Variants in PDE1C observed in about 807,000 individuals in gnomAD.
PDE1C encodes phosphodiesterase 1C, also known as dual specificity calcium/calmodulin-dependent 3',5'-cyclic nucleotide phosphodiesterase 1C.
In PDE1C, 62 loss-of-function variants were observed where a neutral mutation model predicts 93.1. The ratio of observed to expected loss-of-function variants is 0.67; its 90% CI spans 0.54 to 0.82. The LOEUF is 0.82. Ranked by LOEUF, PDE1C falls within the 40% of genes least tolerant of loss-of-function variation. The pLI, the probability that PDE1C is intolerant of heterozygous loss-of-function variation, is 0.00. For synonymous variants in PDE1C, 325 were observed against 310.1 expected, an observed-to-expected ratio of 1.05 and a Z score of -0.50; for missense variants, 742 against 884.6, an observed-to-expected ratio of 0.84 and a Z score of 2.04.
intron 2 of PDE1C, among the ~76,000 whole-genome samples, chr7:31,910,479 C>T (rs887064679): frequency 1.3e-5 from 2 of 152,198 alleles, no homozygotes; most frequent in African/African-American, 2.4e-5. Flanking sequence ...GGGTGACAGG[C>T]ACTATCTACT....
the PDE1C span, among the ~76,000 whole-genome samples, chr7:31,628,646 CAG>C: frequency 6.6e-6 from 1 of 152,038 alleles, no homozygotes; most frequent in East Asian, 1.9e-4. Context: ...TTAGTAGAGA[CAG>C]GGTTTCACCG....
chr7:31,789,532 T>C (rs1397660761), intron 16 of PDE1C: 1 of 499,154 alleles, frequency 2.0e-6, no homozygotes, highest in Non-Finnish European at 2.6e-6. Context: ...AGTCACCAGC[T>C]GAACATTCAG....
In PDE1C at chr7:31,813,754, T is replaced by C. The variant is rs956861445; in HGVS notation, c.1813+2170A>G. ...GATTTGTGAGATTTTGGTATAGCCATCACCTGAGCGGTATACGCTGAACCC... is the reference window on the plus strand; with the variant it reads ...GATTTGTGAGATTTTGGTATAGCCACCACCTGAGCGGTATACGCTGAACCC... On this transcript the variant is annotated intron_variant, in intron 15 of 17. Coordinates refer to ENST00000396191, the MANE Select transcript of PDE1C (RefSeq NM_001191057.4). 2.0e-5 allele frequency among the ~76,000 whole-genome samples: 3 copies of C among 152,114 alleles called. No homozygotes were observed. The South Asian group carries it at 6.2e-4, about 31-fold the overall frequency.
intron 9 of PDE1C, among the ~76,000 whole-genome samples, chr7:31,844,399 A>C (rs1178220732): frequency 6.6e-6 from 1 of 151,588 alleles, no homozygotes; most frequent in Non-Finnish European, 1.5e-5. Flanking sequence ...TTTCATCTTC[A>C]TTCTTGAAGT....
At chr7:31,757,529 C>A (rs1412329039) in intron 17 of PDE1C, among the ~76,000 whole-genome samples, 1 of 152,192 alleles carries the variant, frequency 6.6e-6, no homozygotes, top group African/African-American at 2.4e-5. Context: ...GCTGAGTACA[C>A]TTTTCACAGC....
chr7:32,223,893 G>A (rs948285194), intron 1 of PDE1C, among the ~76,000 whole-genome samples: 2 of 152,134 alleles, frequency 1.3e-5, no homozygotes, highest in Non-Finnish European at 2.9e-5. Flanking sequence ...GTCCACGCCC[G>A]GATGACAAAA....
the PDE1C span, among the ~76,000 whole-genome samples, chr7:31,620,238 C>G: frequency 6.6e-6 from 1 of 152,118 alleles, no homozygotes; most frequent in Non-Finnish European, 1.5e-5. Context: ...CCCTGTCTGA[C>G]AGCTTTGAAG....
At chr7:31,891,687 A>G (rs964011816) in intron 2 of PDE1C, among the ~76,000 whole-genome samples, 2 of 152,038 alleles carry the variant, frequency 1.3e-5, no homozygotes, top group Non-Finnish European at 2.9e-5. Flanking sequence ...GAAGAGGGAG[A>G]CACGTGTAAG....
chr7:32,049,432 C>A (rs767743271), intron 2 of PDE1C, among the ~76,000 whole-genome samples: 15 of 152,018 alleles, frequency 9.9e-5, no homozygotes, highest in African/African-American at 1.5e-4. Context: ...AGGCTTTTAG[C>A]AGCCTGAAGC....
Position 31,843,425 on chromosome 7 carries a change from C to A in PDE1C, c.980+4543G>T, listed in dbSNP as rs1792164002. Among the ~76,000 whole-genome samples the A allele has an allele frequency of 2.0e-5, 3 of 151,968 alleles. No individual in the cohort carries two copies. In the South Asian group the frequency reaches 6.2e-4, roughly 31 times the overall value. Reference sequence around the variant, plus strand: ...TGACTGATGTATCTTTCTGATGACACTCTTATTATCAGAAAATCTCCTTTC... The same window carrying A: ...TGACTGATGTATCTTTCTGATGACAATCTTATTATCAGAAAATCTCCTTTC... On this transcript the variant is annotated intron_variant, in intron 9 of 17. Coordinates refer to ENST00000396191, the MANE Select transcript of PDE1C (RefSeq NM_001191057.4).
intron 1 of PDE1C, among the ~76,000 whole-genome samples, chr7:32,375,797 G>A (rs866729688): frequency 4.6e-5 from 7 of 152,236 alleles, no homozygotes; most frequent in South Asian, 2.1e-4. Flanking sequence ...CCATGATAAT[G>A]TAAGACCATT....
chr7:32,377,989 A>T (rs1784462417), intron 1 of PDE1C, among the ~76,000 whole-genome samples: 1 of 152,188 alleles, frequency 6.6e-6, no homozygotes, highest in African/African-American at 2.4e-5. Context: ...CTACAAGGAG[A>T]GACTATTTCT....
intron 7 of PDE1C, among the ~76,000 whole-genome samples, chr7:31,856,587 G>A (rs917083034): frequency 6.6e-6 from 1 of 151,886 alleles, no homozygotes; most frequent in African/African-American, 2.4e-5. Flanking sequence ...TTGAATAGAT[G>A]AGTTCAAAGT....
At chr7:32,051,855 T>C (rs1054347849) in intron 1 of PDE1C, among the ~76,000 whole-genome samples, 1 of 152,152 alleles carries the variant, frequency 6.6e-6, no homozygotes, top group African/African-American at 2.4e-5. Context: ...GAAGGTTCCA[T>C]GGCATTTTAG....
chr7:31,934,807 G>A (rs956319), intron 2 of PDE1C, among the ~76,000 whole-genome samples: 74,365 of 151,850 alleles, frequency 0.49, 18,985 homozygotes, highest in Non-Finnish European at 0.57. Flanking sequence ...GCTCAGGCTT[G>A]CCTGCCGTTC....
At chr7:31,693,296 T>C in the PDE1C span, among the ~76,000 whole-genome samples, 2 of 152,220 alleles carry the variant, frequency 1.3e-5, no homozygotes, top group African/African-American at 4.8e-5. Context: ...GACAGGTTTG[T>C]ACCTCAAGAG....
intron 3 of PDE1C, among the ~76,000 whole-genome samples, chr7:32,138,043 G>A (rs32312): frequency 0.68 from 103,506 of 151,994 alleles, 35,954 homozygotes; most frequent in Middle Eastern, 0.8. Context: ...CCATTTGTCA[G>A]TTATCTCTGG....
chr7:31,990,468 CTT>C (rs1784022310), intron 2 of PDE1C, among the ~76,000 whole-genome samples: 1 of 152,088 alleles, frequency 6.6e-6, no homozygotes, highest in African/African-American at 2.4e-5. Flanking sequence ...TTGGGTATGT[CTT>C]TATGAGCAGC....
At chr7:31,841,801 C>T (rs953790610) in intron 9 of PDE1C, among the ~76,000 whole-genome samples, 5 of 152,074 alleles carry the variant, frequency 3.3e-5, no homozygotes, top group Non-Finnish European at 7.4e-5. Context: ...TGAAGGCTGA[C>T]AAGTCCCAAG....
Sources: allele counts gnomAD v4.1 joint callset (sites outside exome capture counted in the v4.1 genomes callset), GRCh38; gene constraint gnomAD v4.1.1; transcripts MANE v1.5; gene names NCBI Gene and HGNC (gene_info 2026-07-23, HGNC 2026-07-21).